Variants in ARFGEF2 observed in about 807,000 individuals in gnomAD.
The protein encoded by ARFGEF2 is brefeldin A-inhibited guanine nucleotide-exchange protein 2.
Under a neutral mutation model 219.9 loss-of-function variants are expected in ARFGEF2, and 74 were observed. The observed-to-expected ratio is 0.34, with a 90% CI of 0.28 to 0.41. The LOEUF (loss-of-function observed/expected upper bound fraction) is 0.41. Among genes scored for constraint, ARFGEF2 ranks in the 10% least tolerant of loss-of-function variants. ARFGEF2 has a pLI of 1.00. For synonymous variants in ARFGEF2, 733 were observed against 799.2 expected (o/e 0.92, Z 1.40); for missense variants, 1,743 against 2,218.3 (o/e 0.79, Z 4.30).
At chr20:48,978,598 A>G (rs995320350) in intron 14 of ARFGEF2, among the ~76,000 whole-genome samples, 6 of 152,200 alleles carry the variant, frequency 3.9e-5, no homozygotes, top group African/African-American at 1.4e-4. Context: ...CTTCCTATCC[A>G]TGAGCATGGA....
rs534195532 is a variant in ARFGEF2, at chr20:48,985,294, G to T, written c.2071-114G>T. On this transcript the variant is annotated intron_variant, in intron 15 of 38. Transcript: ENST00000371917. ...GTTCCCTAGCTTTTTTACCAGTCCA[G>T]CCTATTCTGGGCAGTTAGGGCCAGG... 106 of 1,119,152 alleles carry T rather than the reference G, an allele frequency of 9.5e-5. No homozygotes were observed. The African/African-American group carries it at 1.4e-3, about 15-fold the overall frequency. The allele number at this position is 1,119,152 out of a possible 1,614,324, so 69.3% of individuals were successfully genotyped here. A position where few individuals can be genotyped will look rare whatever the true frequency, so the allele number is the denominator to read the frequency against.
At chr20:48,925,663 C>T (rs773249661) in intron 1 of ARFGEF2, among the ~76,000 whole-genome samples, 9 of 152,048 alleles carry the variant, frequency 5.9e-5, no homozygotes, top group Non-Finnish European at 7.4e-5. Context: ...TGGCAAAACC[C>T]CATCTCTAAA....
chr20:49,023,326 T>G (rs892811528), intron 35 of ARFGEF2, 145 bp downstream of exon 35: 10 of 1,162,106 alleles, frequency 8.6e-6, no homozygotes, highest in African/African-American at 1.5e-5. Context: ...GATGGCATGT[T>G]GATGCTTAAA....
intron 14 of ARFGEF2, among the ~76,000 whole-genome samples, chr20:48,981,367 C>T (rs2123443235): frequency 6.6e-6 from 1 of 152,344 alleles, no homozygotes; most frequent in East Asian, 1.9e-4. Context: ...GTCTGATGGG[C>T]TTCCCATAGT....
Position 49,025,422 on chromosome 20 carries a change from A to G in ARFGEF2, c.4865A>G (p.His1622Arg), listed in dbSNP as rs1344849152. The G allele has an allele frequency of 1.2e-6, 2 of 1,614,006 alleles. No individual in the cohort carries two copies. Among genetic ancestry groups the G allele is most frequent in the Non-Finnish European group, 1.7e-6 (2 of 1,180,016 alleles). ...CTGTTGGACTGTTTGCAGGAATCCC[A>G]TTCATTCTCAAAGGCCTTCAACTCC... ...FKLLDCLQES[H>R]SFSKAFNSNY... is the part of the protein sequence containing the mutation. Residue 1622 changes from histidine to arginine, a missense_variant, in exon 36 of 39, where the codon CAT (histidine) becomes CGT (arginine). Physicochemically the swap from His to Arg is conservative, Grantham distance 29. Around this residue, in one of 5 missense-constraint regions of ARFGEF2, gnomAD observed 578 missense variants for 664.0 expected, o/e 0.87. Transcript: ENST00000371917.
In ARFGEF2 at chr20:48,998,275, G is replaced by A. The variant is rs751855013; in HGVS notation, c.3262+42G>A. 5.9e-5 allele frequency: 95 copies of A among 1,613,988 alleles called. No individual in the cohort carries two copies. The Admixed American group carries it at 1.3e-3, about 23-fold the overall frequency. On this transcript the variant is annotated intron_variant, in intron 24 of 38. Transcript: ENST00000371917. ...CCTGTGAAAACTGCAGAAGCCTCAC[G>A]CTGTGACCGTCTGACTGTTCCTAAC...
intron 12 of ARFGEF2, among the ~76,000 whole-genome samples, chr20:48,974,436 T>C (rs1477069370): frequency 6.6e-6 from 1 of 152,152 alleles, no homozygotes; most frequent in African/African-American, 2.4e-5. Context: ...TTTTTAAAAA[T>C]AGAAAAATTT....
intron 26 of ARFGEF2, 39 bp downstream of exon 26, chr20:49,005,260 C>T (rs2123500809): frequency 6.2e-7 from 1 of 1,613,018 alleles, no homozygotes; most frequent in South Asian, 1.1e-5. Flanking sequence ...GTCAAATTCC[C>T]CGTTGGGGCT....
intron 25 of ARFGEF2, among the ~76,000 whole-genome samples, chr20:49,003,206 G>A (rs973990416): frequency 6.6e-6 from 1 of 150,966 alleles, no homozygotes; most frequent in Non-Finnish European, 1.5e-5. Context: ...GGCCTCAGGT[G>A]ATCCTCCCGC....
chr20:48,945,837 C>T lies in ARFGEF2; in HGVS notation c.276+3850C>T, dbSNP rs574761268. On this transcript the variant is annotated intron_variant, in intron 3 of 38. Transcript: ENST00000371917. ...CGTGATGGTGACACCTAACTCTAGC[C>T]TGAGTGACAAAGCAAGACCCTGTCT... Among the ~76,000 whole-genome samples the T allele has an allele frequency of 2.7e-4, 41 of 152,214 alleles. No homozygotes were observed. In the South Asian group the frequency reaches 4.4e-3, roughly 16 times the overall value.
At chr20:49,029,033 T>C (rs1034602748) in intron 37 of ARFGEF2, among the ~76,000 whole-genome samples, 2 of 152,240 alleles carry the variant, frequency 1.3e-5, no homozygotes, top group African/African-American at 4.8e-5. Flanking sequence ...AGGTCCTCTT[T>C]AGAATTGTTG....
chr20:48,954,030 T>A (rs1438069372), intron 6 of ARFGEF2, among the ~76,000 whole-genome samples: 1 of 152,244 alleles, frequency 6.6e-6, no homozygotes, highest in Non-Finnish European at 1.5e-5. Context: ...AGCTGCTACT[T>A]CTTCATGTCA....
chr20:49,034,982 A>C lies in ARFGEF2; in HGVS notation c.*1783A>C, dbSNP rs965341917. 1 of 152,228 alleles carries C rather than the reference A, an allele frequency of 6.6e-6. No individual in the cohort carries two copies. 9.4% of individuals were successfully genotyped at this position (152,228 alleles called of 1,614,324 possible). On this transcript the variant is annotated 3_prime_UTR_variant, in exon 39 of 39. Coordinates refer to ENST00000371917, the MANE Select transcript of ARFGEF2 (RefSeq NM_006420.3). ...GACTATGGGAGAATACTTTACTGTG[A>C]GTGGAAAATGTTAGCACATTTGACT...
chr20:49,032,665 C>G (rs1330548331), intron 38 of ARFGEF2, among the ~76,000 whole-genome samples: 1 of 151,390 alleles, frequency 6.6e-6, no homozygotes, highest in Non-Finnish European at 1.5e-5. Flanking sequence ...TAATCTAGCT[C>G]ACTGCAATTT....
intron 21 of ARFGEF2, among the ~76,000 whole-genome samples, chr20:48,993,295 CTAA>C (rs895607639): frequency 1.3e-5 from 2 of 152,216 alleles, no homozygotes; most frequent in African/African-American, 2.4e-5. Flanking sequence ...CAGCTTGGAA[CTAA>C]TAAGCCCTTG....
chr20:48,957,504 T>C (rs890867729), intron 6 of ARFGEF2, among the ~76,000 whole-genome samples: 1 of 152,176 alleles, frequency 6.6e-6, no homozygotes, highest in Non-Finnish European at 1.5e-5. Context: ...TGGTGCCTAA[T>C]CAGTAGTGGT....
chr20:48,959,140 T>G (rs550034904), intron 6 of ARFGEF2, among the ~76,000 whole-genome samples: 1 of 152,300 alleles, frequency 6.6e-6, no homozygotes, highest in Non-Finnish European at 1.5e-5. Flanking sequence ...TACTTGCCAG[T>G]CACCACTCTA....
chr20:48,974,680 C>T, intron 12 of ARFGEF2, 86 bp from the exon 13 acceptor site: 1 of 1,019,800 alleles, frequency 9.8e-7, no homozygotes, highest in South Asian at 1.4e-5. Flanking sequence ...CTTTCTTAGC[C>T]TCACTGGGGT....
chr20:48,965,273 A>G (rs777702133), intron 7 of ARFGEF2, among the ~76,000 whole-genome samples: 28 of 152,202 alleles, frequency 1.8e-4, no homozygotes, highest in Non-Finnish European at 4.0e-4. Context: ...TTGTAGGGCT[A>G]TTATTGAAAA....
Sources: gnomAD v4.1 joint callset for allele counts (sites outside exome capture counted in the v4.1 genomes callset) on GRCh38, gnomAD v4.1.1 for gene constraint, gnomAD v4.1.1 regional missense constraint, MANE v1.5 for transcripts, NCBI Gene and HGNC (gene_info 2026-07-23, HGNC 2026-07-21) for gene names.